USP36: variants seen among roughly 807,000 people sequenced by gnomAD.
USP36 encodes ubiquitin carboxyl-terminal hydrolase 36.
Under a neutral mutation model 111.5 loss-of-function variants are expected in USP36, and 59 were observed. The ratio of observed to expected loss-of-function variants is 0.53; its 90% CI spans 0.43 to 0.66. The LOEUF is 0.66. USP36 is among the 30% of genes least tolerant of loss of function. The pLI is 0.00. For synonymous variants in USP36, 628 were observed against 581.0 expected, an observed-to-expected ratio of 1.08 and a Z score of -1.16; for missense variants, 1,488 against 1,468.0, an observed-to-expected ratio of 1.01 and a Z score of -0.22.
Position 78,807,289 on chromosome 17 carries a change from G to A in USP36, c.1755C>T (p.Leu585=), listed in dbSNP as rs755939658. The change falls in exon 14 of 21, where the codon CTC becomes CTT. Residue 585 remains leucine, a synonymous_variant. Transcript: ENST00000449938. The part of the protein sequence containing the change: ...RDVVLSTSPK[L]LATATANGHG... ...GCCCGTTGGCAGTGGCTGTAGCCAG[G>A]AGCTTAGGTGAGGTAGAGAGGACAA... 6.2e-7 allele frequency: 1 copy of A among 1,614,146 alleles called. No individual in the cohort carries two copies. Among genetic ancestry groups the A allele is most frequent in the African/African-American group, 1.3e-5 (1 of 75,056 alleles).
intron 12 of USP36, 23 bp downstream of exon 12, chr17:78,813,750 T>A (rs756027164): frequency 6.2e-7 from 1 of 1,609,088 alleles, no homozygotes; most frequent in South Asian, 1.1e-5. Flanking sequence ...TGAGCTCATC[T>A]GGGGAGGGCG....
At chr17:78,799,806 T>G in intron 17 of USP36, 38 bp from the exon 18 acceptor site, 2 of 1,505,372 alleles carry the variant, frequency 1.3e-6, no homozygotes, top group Non-Finnish European at 1.8e-6. Context: ...TACAGACGTT[T>G]AAAATAACCC....
At chr17:78,807,728 G>C in intron 13 of USP36, 92 bp from the exon 14 acceptor site, 1 of 1,277,156 alleles carries the variant, frequency 7.8e-7, no homozygotes, top group Non-Finnish European at 1.1e-6. Context: ...CTTAGTAGCA[G>C]GCATGGCCTC....
Position 78,798,897 on chromosome 17 carries a change from A to T in USP36, c.3240+11T>A. The T allele has an allele frequency of 6.2e-7, 1 of 1,613,868 alleles. No homozygotes were observed. The highest frequency in any genetic ancestry group is 8.5e-7 in the Non-Finnish European group (1 of 1,179,918). On this transcript the variant is annotated intron_variant, in intron 19 of 20. Coordinates refer to ENST00000449938, the MANE Select transcript of USP36 (RefSeq NM_001385174.1). This position sits in a 1 kb window ranked among gnomAD's most constrained non-coding sequence, Gnocchi z 5.1. ...CTCCCTCAAGCCTGTGGTCAGCATC[A>T]CACATCATACCTTCCCTCGGTCAAA...
chr17:78,809,583 C>T (rs34694901), intron 13 of USP36, among the ~76,000 whole-genome samples: 9,875 of 152,214 alleles, frequency 0.065, 617 homozygotes, highest in African/African-American at 0.16. Context: ...TCTCCACCCT[C>T]GGGCATCACT....
In USP36 at chr17:78,812,705, AAAAAAAAAAAAAAG is replaced by A. The variant is rs1403727462; in HGVS notation, c.1407+141_1407+154del. The stretch of plus-strand genomic sequence containing the variant: ...GAGCGAGACTCTGTCTCGAAAAAAA[AAAAAAAAAAAAAAG>A]AAAAGAAAAGAAATAACATCAACTA... On this transcript the variant is annotated intron_variant, in intron 13 of 20. Transcript: ENST00000449938. Among the ~76,000 whole-genome samples the A allele has an allele frequency of 6.0e-5, 9 of 150,950 alleles. No individual in the cohort carries two copies. In the East Asian group the frequency reaches 1.6e-3, roughly 26 times the overall value.
intron 15 of USP36, among the ~76,000 whole-genome samples, chr17:78,805,596 A>T (rs2145081259): frequency 6.6e-6 from 1 of 152,078 alleles, no homozygotes; most frequent in Admixed American, 6.5e-5. Context: ...ACTTCCTGCC[A>T]CTCGAGGCAC....
intron 2 of USP36, among the ~76,000 whole-genome samples, chr17:78,836,781 C>A (rs987871941): frequency 6.7e-6 from 1 of 148,960 alleles, no homozygotes; most frequent in Admixed American, 6.8e-5. Context: ...CACATACAAA[C>A]TGGTTATACA....
At chr17:78,822,097 A>C (rs1412960929) in intron 6 of USP36, 93 bp from the exon 7 acceptor site, 10 of 1,447,810 alleles carry the variant, frequency 6.9e-6, no homozygotes, top group Non-Finnish European at 9.7e-6. Context: ...ACCAGTCACA[A>C]GCTCAGCGTG....
At chr17:78,808,443 A>C (rs1032264659) in intron 13 of USP36, among the ~76,000 whole-genome samples, 1 of 152,112 alleles carries the variant, frequency 6.6e-6, no homozygotes, top group Admixed American at 6.5e-5. Flanking sequence ...AGAGATGGGG[A>C]TCTTGCTATG....
chr17:78,827,906 A>G (rs1444310217), intron 5 of USP36, among the ~76,000 whole-genome samples: 1 of 152,084 alleles, frequency 6.6e-6, no homozygotes, highest in East Asian at 1.9e-4. Flanking sequence ...GCAAGACTCT[A>G]TCTCAGAAAG....
downstream of USP36, among the ~76,000 whole-genome samples, chr17:78,791,383 T>C (rs1489392919): frequency 1.3e-5 from 2 of 152,014 alleles, no homozygotes; most frequent in Non-Finnish European, 2.9e-5. Context: ...CCTCCCAAAG[T>C]GCTGGGATTA....
intron 4 of USP36, among the ~76,000 whole-genome samples, chr17:78,829,680 C>G (rs537988095): frequency 6.6e-6 from 1 of 152,318 alleles, no homozygotes; most frequent in Non-Finnish European, 1.5e-5. Flanking sequence ...ACACAGAGAG[C>G]AGGCCAGATG....
At chr17:78,826,041 T>C (rs1362207126) in intron 6 of USP36, among the ~76,000 whole-genome samples, 1 of 152,116 alleles carries the variant, frequency 6.6e-6, no homozygotes, top group Non-Finnish European at 1.5e-5. Context: ...GTGCTAGCTA[T>C]GGGGCCCAGC....
intron 7 of USP36, chr17:78,821,401 TATATATATATATATA>T (rs2094318842): frequency 1.8e-5 from 1 of 54,810 alleles, no homozygotes; most frequent in Non-Finnish European, 3.4e-5. Context: ...TATATATATA[TATATATATATATATA>T]TATATTTTTT....
rs2094136731 is a variant in USP36, at chr17:78,814,513, T to C, written c.1063A>G (p.Met355Val). 4 of 1,614,196 alleles carry C rather than the reference T, an allele frequency of 2.5e-6. No homozygotes were observed. In the South Asian group the frequency reaches 3.3e-5, roughly 13 times the overall value. ...ACAGGATCACCATTATTCTGGGACA[T>C]ATACGGACGTATGTTGAGGAATTCC... ...YPEFLNIRPY[M>V]SQNNGDPVMY... Residue 355 changes from methionine (M) to valine (V), a missense_variant, in exon 11 of 21, where the codon ATG becomes GTG. Met to Val is a conservative substitution (Grantham distance 21). This residue lies in a region of USP36 where 196 missense variants were observed against 264.4 expected (regional missense o/e 0.74). Transcript: ENST00000449938.
At position 78,803,847 on chromosome 17, in the gene USP36, G is replaced by A. The variant is rs779010244; in HGVS notation, c.2348C>T (p.Ala783Val). The change falls in exon 16 of 21, where the codon GCG becomes GTG. Residue 783 changes from alanine (A) to valine (V), a missense_variant. Ala to Val is a moderately conservative substitution (Grantham distance 64). Coordinates refer to ENST00000449938, the MANE Select transcript of USP36 (RefSeq NM_001385174.1). The surrounding 1 kb of genome is among the most constrained non-coding windows in gnomAD (Gnocchi z 4.6). ...EPRSCSSIST[A>V]LPQVNEDLVS... Reference sequence around the variant, plus strand: ...AAGGTCCTCGTTGACCTGAGGCAGCGCCGTCGAGATGGAGGAGCAGCTCCG... The same window carrying A: ...AAGGTCCTCGTTGACCTGAGGCAGCACCGTCGAGATGGAGGAGCAGCTCCG... The A allele has an allele frequency of 2.5e-5, 40 of 1,612,392 alleles. No homozygotes were observed. In the South Asian group the frequency reaches 3.4e-4, roughly 14 times the overall value.
At chr17:78,840,868 C>T (rs1226273120), upstream of USP36, 1 of 152,324 alleles carries the variant, frequency 6.6e-6, no homozygotes, top group Admixed American at 6.5e-5. Context: ...AGGCGCCGCA[C>T]CCAGCGTTCG....
At chr17:78,806,433 G>T in intron 14 of USP36, 147 bp from the exon 15 acceptor site, 3 of 1,012,424 alleles carry the variant, frequency 3.0e-6, no homozygotes, top group African/African-American at 1.6e-5. Flanking sequence ...AAAAAGGGGA[G>T]GTGAGGGGCA....
Sources: gnomAD v4.1 joint callset for allele counts (sites outside exome capture counted in the v4.1 genomes callset) on GRCh38, gnomAD v4.1.1 for gene constraint, gnomAD v4.1.1 regional missense constraint, Gnocchi (gnomAD v3.1) non-coding constraint, MANE v1.5 for transcripts, NCBI Gene and HGNC (gene_info 2026-07-23, HGNC 2026-07-21) for gene names.